Variants in KCTD8 observed in about 807,000 individuals in gnomAD.
The protein encoded by KCTD8 is potassium channel tetramerization domain containing 8, also known as BTB/POZ domain-containing protein KCTD8.
KCTD8 carries 27 observed loss-of-function variants against 31.5 expected under a neutral mutation model. The observed-to-expected ratio is 0.86, with a 90% confidence interval of 0.63 to 1.18. The LOEUF is 1.18. KCTD8 is among the 50% of genes most tolerant of loss of function. The pLI is 0.00. For missense variants in KCTD8, 658 were observed against 647.7 expected, an observed-to-expected ratio of 1.02 and a Z score of -0.17; for synonymous variants, 290 against 280.0, an observed-to-expected ratio of 1.04 and a Z score of -0.36.
At chr4:44,293,316 A>G (rs1717332748) in intron 1 of KCTD8, 1 of 374,430 alleles carries the variant, frequency 2.7e-6, no homozygotes, top group Non-Finnish European at 5.2e-6. Flanking sequence ...CTGAGTCCAA[A>G]TGCTTTTCAA....
At chr4:44,380,405 G>A (rs577225041) in intron 1 of KCTD8, among the ~76,000 whole-genome samples, 11 of 147,612 alleles carry the variant, frequency 7.5e-5, no homozygotes, top group South Asian at 4.2e-4. Context: ...ATTGGCAAGC[G>A]AGACTCCATC....
At chr4:44,355,881 T>C (rs1221969306) in intron 1 of KCTD8, among the ~76,000 whole-genome samples, 1 of 152,170 alleles carries the variant, frequency 6.6e-6, no homozygotes, top group Non-Finnish European at 1.5e-5. Flanking sequence ...AAATGTTTAA[T>C]ACAGGAACTA....
intron 1 of KCTD8, among the ~76,000 whole-genome samples, chr4:44,344,396 G>A (rs991807901): frequency 2.0e-5 from 3 of 152,024 alleles, no homozygotes; most frequent in Non-Finnish European, 4.4e-5. Flanking sequence ...GTGTTGCCCA[G>A]CCTGGACTCA....
chr4:44,213,039 G>A (rs957868744), intron 1 of KCTD8, among the ~76,000 whole-genome samples: 3 of 152,014 alleles, frequency 2.0e-5, no homozygotes, highest in South Asian at 2.1e-4. Flanking sequence ...CCCTGTTCAC[G>A]CCATCCTCCT....
At chr4:44,282,790 A>C (rs550781878) in intron 1 of KCTD8, among the ~76,000 whole-genome samples, 18 of 152,216 alleles carry the variant, frequency 1.2e-4, no homozygotes, top group Non-Finnish European at 2.2e-4. Context: ...CCAAAGTCTA[A>C]TCCACAGAAA....
chr4:44,214,750 T>C (rs985673104), intron 1 of KCTD8, among the ~76,000 whole-genome samples: 6 of 152,286 alleles, frequency 3.9e-5, no homozygotes, highest in African/African-American at 1.4e-4. Context: ...ACAAAGTCGG[T>C]AACAGTCCTT....
intron 1 of KCTD8, among the ~76,000 whole-genome samples, chr4:44,194,684 T>C (rs1713877822): frequency 6.6e-6 from 1 of 151,962 alleles, no homozygotes; most frequent in East Asian, 1.9e-4. Context: ...TTGTTCACTT[T>C]ATAAAAATTA....
At chr4:44,403,398 ACTTTATGCTAGTTTAC>A (rs1406535455) in intron 1 of KCTD8, among the ~76,000 whole-genome samples, 3 of 150,062 alleles carry the variant, frequency 2.0e-5, no homozygotes, top group Non-Finnish European at 3.0e-5. Flanking sequence ...GGAGGTAGGG[ACTTTATGCTAGTTTAC>A]TAGGGCTACC....
intron 1 of KCTD8, among the ~76,000 whole-genome samples, chr4:44,185,480 A>C (rs1713558350): frequency 1.3e-5 from 2 of 152,204 alleles, no homozygotes; most frequent in African/African-American, 4.8e-5. Flanking sequence ...ACATACGATA[A>C]AATTTGATTG....
chr4:44,266,000 C>T (rs925890209), intron 1 of KCTD8, among the ~76,000 whole-genome samples: 1 of 152,124 alleles, frequency 6.6e-6, no homozygotes, highest in Non-Finnish European at 1.5e-5. Flanking sequence ...CTTCTCCAAT[C>T]TAGCAAGGCA....
chr4:44,177,477 T>A (rs1374225187), intron 1 of KCTD8, among the ~76,000 whole-genome samples: 6 of 152,154 alleles, frequency 3.9e-5, no homozygotes, highest in Non-Finnish European at 5.9e-5. Flanking sequence ...CATCTTGAAT[T>A]GTAACTCCTA....
intron 1 of KCTD8, among the ~76,000 whole-genome samples, chr4:44,390,035 A>T (rs1228409976): frequency 6.6e-6 from 1 of 151,956 alleles, no homozygotes; most frequent in East Asian, 1.9e-4. Context: ...TCTGGATATT[A>T]GTTCTTTGTC....
intron 1 of KCTD8, among the ~76,000 whole-genome samples, chr4:44,176,475 T>C (rs1021956144): frequency 6.6e-6 from 1 of 152,146 alleles, no homozygotes; most frequent in African/African-American, 2.4e-5. Context: ...CTAATATATA[T>C]GAAATGAATT....
intron 1 of KCTD8, among the ~76,000 whole-genome samples, chr4:44,184,827 A>G (rs2109332074): frequency 6.6e-6 from 1 of 152,312 alleles, no homozygotes; most frequent in East Asian, 1.9e-4. Context: ...CCACCCACAC[A>G]TAAAAATTAG....
At chr4:44,187,901 G>C (rs952189728) in intron 1 of KCTD8, among the ~76,000 whole-genome samples, 1 of 151,626 alleles carries the variant, frequency 6.6e-6, no homozygotes, top group Non-Finnish European at 1.5e-5. Flanking sequence ...AGCTGCCTTA[G>C]ACCTGAGGAA....
intron 1 of KCTD8, among the ~76,000 whole-genome samples, chr4:44,271,508 C>T (rs968249638): frequency 2.0e-5 from 3 of 152,024 alleles, no homozygotes; most frequent in East Asian, 1.9e-4. Flanking sequence ...ATAAACTGGT[C>T]CCAAAACTGG....
chr4:44,306,670 A>T (rs770077838), intron 1 of KCTD8, among the ~76,000 whole-genome samples: 2 of 151,780 alleles, frequency 1.3e-5, no homozygotes, highest in African/African-American at 2.4e-5. Context: ...GAAGATTGTT[A>T]AAAATGCATG....
At chr4:44,252,776 C>T (rs966295237) in intron 1 of KCTD8, among the ~76,000 whole-genome samples, 2 of 151,690 alleles carry the variant, frequency 1.3e-5, no homozygotes, top group African/African-American at 4.8e-5. Flanking sequence ...TCTACAATCA[C>T]ACATAAATGT....
chr4:44,348,016 C>T (rs896083352), intron 1 of KCTD8, among the ~76,000 whole-genome samples: 1 of 152,116 alleles, frequency 6.6e-6, no homozygotes, highest in African/African-American at 2.4e-5. Context: ...TAAATACACA[C>T]AGCAAGTACA....
Sources: allele counts gnomAD v4.1 joint callset (sites outside exome capture counted in the v4.1 genomes callset), GRCh38; gene constraint gnomAD v4.1.1; transcripts MANE v1.5; gene names NCBI Gene and HGNC (gene_info 2026-07-23, HGNC 2026-07-21).